ADGRG6: variants seen among roughly 807,000 people sequenced by gnomAD.
The protein encoded by ADGRG6 is adhesion G protein-coupled receptor G6.
A neutral mutation model predicts 142.4 loss-of-function variants in ADGRG6; 84 were observed. The ratio of observed to expected loss-of-function variants is 0.59; its 90% CI spans 0.49 to 0.71. The LOEUF (loss-of-function observed/expected upper bound fraction) is 0.71, where lower values mean the gene tolerates loss of function less well. Ranked by LOEUF, ADGRG6 falls within the 30% of genes least tolerant of loss-of-function variation. The probability of loss-of-function intolerance (pLI) is 0.00; values close to 1 mark genes in which losing one functional copy is unlikely to be tolerated. For missense variants in ADGRG6, 1,367 were observed against 1,466.6 expected (o/e 0.93, Z 1.11); for synonymous variants, 521 against 520.5 (o/e 1.00, Z -0.01).
intron 2 of ADGRG6, among the ~76,000 whole-genome samples, chr6:142,347,911 T>C (rs1237823900): frequency 6.6e-6 from 1 of 152,200 alleles, no homozygotes; most frequent in African/African-American, 2.4e-5. Flanking sequence ...TTGGTTATTT[T>C]TTATATTCTG....
chr6:142,432,971 T>G (rs1777287886), intron 22 of ADGRG6, among the ~76,000 whole-genome samples: 1 of 152,194 alleles, frequency 6.6e-6, no homozygotes, highest in Admixed American at 6.5e-5. Flanking sequence ...TAAAAATCAT[T>G]TGCTAAATGT....
intron 4 of ADGRG6, among the ~76,000 whole-genome samples, chr6:142,373,876 CT>C (rs1583054762): frequency 8.2e-6 from 1 of 121,682 alleles, no homozygotes. Flanking sequence ...TTTTCTTTTT[CT>C]TTTCTTTTTT....
rs1366624073 is a variant in ADGRG6, at chr6:142,444,776, A to G, written c.*1261A>G. ...AATGCTTGCTTGCTAATGAATGTAT[A>G]GGAGACCACATTGTAATTGTTCTTA... On this transcript the variant is annotated 3_prime_UTR_variant, in exon 25 of 25. Coordinates refer to ENST00000367609, the MANE Select transcript of ADGRG6 (RefSeq NM_198569.3). 3 of 152,196 alleles carry G rather than the reference A, an allele frequency of 2.0e-5. No individual in the cohort carries two copies. Among genetic ancestry groups the G allele is most frequent in the African/African-American group, 4.8e-5 (2 of 41,456 alleles). 9.4% of individuals were successfully genotyped at this position (152,196 alleles called of 1,614,324 possible).
At chr6:142,442,139 A>G (rs887281580) in intron 24 of ADGRG6, among the ~76,000 whole-genome samples, 2 of 152,166 alleles carry the variant, frequency 1.3e-5, no homozygotes, top group Admixed American at 6.6e-5. Context: ...AGTCCAGCAT[A>G]CTCAAAATGT....
intron 2 of ADGRG6, among the ~76,000 whole-genome samples, chr6:142,336,626 T>C (rs2114692821): frequency 6.6e-6 from 1 of 152,366 alleles, no homozygotes; most frequent in Non-Finnish European, 1.5e-5. Context: ...AGGCATGTTC[T>C]AAGGAACTGT....
intron 22 of ADGRG6, among the ~76,000 whole-genome samples, chr6:142,437,213 C>T (rs949625792): frequency 6.6e-6 from 1 of 152,186 alleles, no homozygotes. Context: ...AAGACAGAAT[C>T]AGATCCCTGT....
At chr6:142,355,754 C>A (rs986405692) in intron 2 of ADGRG6, among the ~76,000 whole-genome samples, 51 of 152,162 alleles carry the variant, frequency 3.4e-4, no homozygotes, top group African/African-American at 1.2e-3. Flanking sequence ...GTAAGGCTTG[C>A]CTGCAGGTGT....
At position 142,364,849 on chromosome 6, in the gene ADGRG6, A is replaced by G. The variant is rs144978286; in HGVS notation, c.104-2720A>G. Among the ~76,000 whole-genome samples, 358 of 152,280 alleles carry G rather than the reference A, an allele frequency of 2.4e-3. 5 individuals carry two copies. Among genetic ancestry groups the G allele is most frequent in the African/African-American group, 8.3e-3 (344 of 41,552 alleles). ...CACTACACTCCAGCCTGGGTGACAG[A>G]GAGATACCCTGTCTCTAAAAAATAA... On this transcript the variant is annotated intron_variant, in intron 2 of 24. Coordinates refer to ENST00000367609, the MANE Select transcript of ADGRG6 (RefSeq NM_198569.3).
intron 2 of ADGRG6, among the ~76,000 whole-genome samples, chr6:142,344,306 T>C (rs879793143): frequency 1.3e-5 from 2 of 152,116 alleles, no homozygotes; most frequent in East Asian, 1.9e-4. Context: ...AGCTTTTCTT[T>C]ATGCTATAAT....
At position 142,370,216 on chromosome 6, in the gene ADGRG6, A is replaced by G. The variant is rs1781169855; in HGVS notation, c.492A>G (p.Ser164=). ...RNQKVILPQT[S]DAYQVSVAKS... ...AAAAGGTCATTTTACCCCAGACATC[A>G]GATGCTTACCAGGTATCTGTTGCAA... The change falls in exon 4 of 25, where the codon TCA becomes TCG. Residue 164 remains serine, a synonymous_variant. Coordinates refer to ENST00000367609, the MANE Select transcript of ADGRG6 (RefSeq NM_198569.3). 6.2e-7 allele frequency: 1 copy of G among 1,608,886 alleles called. No homozygotes were observed.
At chr6:142,375,403 T>C (rs1366715050) in intron 4 of ADGRG6, among the ~76,000 whole-genome samples, 2 of 152,220 alleles carry the variant, frequency 1.3e-5, no homozygotes, top group Admixed American at 6.5e-5. Context: ...TCAGATGTCC[T>C]GGACTGTGTT....
rs1008736173 is a variant in ADGRG6, at chr6:142,437,422, C to T, written c.3320-12C>T. 3.2e-6 allele frequency: 4 copies of T among 1,256,344 alleles called. No homozygotes were observed. Among genetic ancestry groups the T allele is most frequent in the African/African-American group, 3.0e-5 (2 of 67,678 alleles). The allele number at this position is 1,256,344 out of a possible 1,614,324, so 77.8% of individuals were successfully genotyped here. On this transcript the variant is annotated splice_polypyrimidine_tract_variant and intron_variant, in intron 22 of 24. Coordinates refer to ENST00000367609, the MANE Select transcript of ADGRG6 (RefSeq NM_198569.3). ...CAGTTGGCTTAAATATTTATATTTT[C>T]TTTTGTCACAGGCTTATTTATATTC...
intron 9 of ADGRG6, among the ~76,000 whole-genome samples, chr6:142,395,983 A>G (rs1414054887): frequency 6.6e-6 from 1 of 152,202 alleles, no homozygotes; most frequent in Non-Finnish European, 1.5e-5. Flanking sequence ...GTAACAACAG[A>G]TAGAATGTAA....
chr6:142,304,487 A>G (rs1787512543), intron 1 of ADGRG6, among the ~76,000 whole-genome samples: 1 of 152,172 alleles, frequency 6.6e-6, no homozygotes, highest in Admixed American at 6.5e-5. Flanking sequence ...ATGAATGGTG[A>G]ATAAGGCTAT....
At chr6:142,435,069 A>C (rs1319226759) in intron 22 of ADGRG6, among the ~76,000 whole-genome samples, 1 of 152,136 alleles carries the variant, frequency 6.6e-6, no homozygotes, top group Non-Finnish European at 1.5e-5. Flanking sequence ...GCTGCAATGT[A>C]GTTTTCTTGA....
intron 13 of ADGRG6, 28 bp downstream of exon 13, chr6:142,402,858 A>G (rs755487359): frequency 8.3e-7 from 1 of 1,201,188 alleles, no homozygotes; most frequent in Non-Finnish European, 1.2e-6. Context: ...CCTGGAGAGT[A>G]AATTTTATTG....
intron 14 of ADGRG6, among the ~76,000 whole-genome samples, chr6:142,404,669 T>C (rs766629289): frequency 8.6e-5 from 13 of 151,840 alleles, no homozygotes; most frequent in Non-Finnish European, 1.8e-4. Flanking sequence ...AAAATAATCT[T>C]CTGGAGGACT....
chr6:142,393,454 T>C (rs1191631982), intron 8 of ADGRG6, among the ~76,000 whole-genome samples: 4 of 152,070 alleles, frequency 2.6e-5, no homozygotes, highest in Admixed American at 1.3e-4. Flanking sequence ...ATTTAAATCC[T>C]CCACTATCTT....
chr6:142,303,231 A>G (rs1194143933), intron 1 of ADGRG6, among the ~76,000 whole-genome samples: 1 of 152,074 alleles, frequency 6.6e-6, no homozygotes, highest in Non-Finnish European at 1.5e-5. Flanking sequence ...CTCATGTACA[A>G]CAATTTCTAG....
Sources: allele counts gnomAD v4.1 joint callset (sites outside exome capture counted in the v4.1 genomes callset), GRCh38; gene constraint gnomAD v4.1.1; transcripts MANE v1.5; gene names NCBI Gene and HGNC (gene_info 2026-07-23, HGNC 2026-07-21).